Variants in ZBTB46 observed in about 807,000 individuals in gnomAD.
ZBTB46 encodes zinc finger and BTB domain-containing protein 46.
Under a neutral mutation model 44.1 loss-of-function variants are expected in ZBTB46, and 8 were observed. The observed-to-expected ratio is 0.18, with a 90% confidence interval of 0.11 to 0.33. The LOEUF is 0.33. Ranked by LOEUF, ZBTB46 falls within the 10% of genes least tolerant of loss-of-function variation. ZBTB46 has a pLI of 1.00. For missense variants in ZBTB46, 651 were observed against 847.7 expected, an observed-to-expected ratio of 0.77 and a Z score of 2.88; for synonymous variants, 409 against 382.3, an observed-to-expected ratio of 1.07 and a Z score of -0.81.
At chr20:63,801,988 T>C (rs1026490403) in intron 1 of ZBTB46, among the ~76,000 whole-genome samples, 3 of 152,210 alleles carry the variant, frequency 2.0e-5, no homozygotes, top group Non-Finnish European at 4.4e-5. Context: ...ATCCTGTGCT[T>C]ATCCAAGGAC....
intron 1 of ZBTB46, among the ~76,000 whole-genome samples, chr20:63,804,690 G>A (rs1163392676): frequency 6.6e-6 from 1 of 151,960 alleles, no homozygotes; most frequent in Non-Finnish European, 1.5e-5. Context: ...TCAAGAGATC[G>A]AGACCAGCCT....
chr20:63,825,779 G>C (rs2092816378), intron 1 of ZBTB46, among the ~76,000 whole-genome samples: 1 of 152,182 alleles, frequency 6.6e-6, no homozygotes, highest in African/African-American at 2.4e-5. Flanking sequence ...AAGTCAGTTG[G>C]GAAAGCGGCG....
Position 63,779,403 on chromosome 20 carries a change from CTAA to C in ZBTB46, c.938-3444_938-3442del, listed in dbSNP as rs1442652545. On this transcript the variant is annotated intron_variant, in intron 2 of 4. Coordinates refer to ENST00000245663, the MANE Select transcript of ZBTB46 (RefSeq NM_001369741.1). ...TTACAGGTGCGTGCCACCACGCCGGCTAATTTTTTTTTTTTTTTTTTTTTTTTT... is the reference window on the plus strand; with the variant it reads ...TTACAGGTGCGTGCCACCACGCCGGCTTTTTTTTTTTTTTTTTTTTTTTTT... 4.9e-4 allele frequency among the ~76,000 whole-genome samples: 60 copies of C among 122,838 alleles called. 1 individual carries two copies. Among genetic ancestry groups the C allele is most frequent in the African/African-American group, 1.9e-3 (58 of 30,874 alleles). 80.6% of individuals were successfully genotyped at this position (122,838 alleles called of 152,430 possible). A position where few individuals can be genotyped will look rare whatever the true frequency, so the allele number is the denominator to read the frequency against.
chr20:63,805,900 G>C (rs2092678314), intron 1 of ZBTB46, among the ~76,000 whole-genome samples: 1 of 151,896 alleles, frequency 6.6e-6, no homozygotes, highest in African/African-American at 2.4e-5. Context: ...GGCCTCCCCA[G>C]TAGCTGGGAT....
intron 2 of ZBTB46, among the ~76,000 whole-genome samples, chr20:63,788,938 C>A (rs977967854): frequency 6.7e-6 from 1 of 150,044 alleles, no homozygotes; most frequent in Non-Finnish European, 1.5e-5. Flanking sequence ...CAGGTTCAAG[C>A]GATTCTCCTG....
At chr20:63,763,648 G>A (rs1020222419) in intron 3 of ZBTB46, among the ~76,000 whole-genome samples, 4 of 152,170 alleles carry the variant, frequency 2.6e-5, no homozygotes, top group South Asian at 2.1e-4. Flanking sequence ...CAGGCACCAC[G>A]TCCAGTATTG....
At position 63,743,943 on chromosome 20, in the gene ZBTB46, TC is replaced by T. The variant is rs759888616; in HGVS notation, c.*2986del. ...TAGGAAGTCAATATAATATAGATTA[TC>T]CCCAGAAAAAAATCAACAATCTTCA... On this transcript the variant is annotated 3_prime_UTR_variant, in exon 5 of 5. Coordinates refer to ENST00000245663, the MANE Select transcript of ZBTB46 (RefSeq NM_001369741.1). The T allele has an allele frequency of 2.0e-5, 3 of 152,560 alleles. No individual in the cohort carries two copies. The highest frequency in any genetic ancestry group is 2.4e-5 in the African/African-American group (1 of 41,416). The allele number at this position is 152,560 out of a possible 1,614,324, so 9.5% of individuals were successfully genotyped here.
At chr20:63,821,487 T>G (rs6010671) in intron 1 of ZBTB46, among the ~76,000 whole-genome samples, 26,580 of 150,052 alleles carry the variant, frequency 0.18, 2,854 homozygotes, top group East Asian at 0.45. Flanking sequence ...TTGCCCAGGC[T>G]GGAGTGCAAT....
intron 1 of ZBTB46, among the ~76,000 whole-genome samples, chr20:63,812,890 T>C (rs1030932751): frequency 1.3e-5 from 2 of 151,990 alleles, no homozygotes; most frequent in African/African-American, 4.8e-5. Flanking sequence ...GGTCAAGACA[T>C]TGACAGCATC....
At chr20:63,816,880 A>C (rs1293323393) in intron 1 of ZBTB46, among the ~76,000 whole-genome samples, 1 of 151,962 alleles carries the variant, frequency 6.6e-6, no homozygotes, top group Admixed American at 6.6e-5. Context: ...TGAGGCGGGC[A>C]GATCATCTGA....
Position 63,767,634 on chromosome 20 carries a change from A to G in ZBTB46, c.1222+8044T>C, listed in dbSNP as rs1034162511. Among the ~76,000 whole-genome samples the G allele has an allele frequency of 6.6e-6, 1 of 152,228 alleles. No individual in the cohort carries two copies. Among genetic ancestry groups the G allele is most frequent in the African/African-American group, 2.4e-5 (1 of 41,460 alleles). ...TGAGGTCAAAGCAAACGCCGGCTCC[A>G]GCGCACAGACCAGAGGCACCCGCAG... On this transcript the variant is annotated intron_variant, in intron 3 of 4. Coordinates refer to ENST00000245663, the MANE Select transcript of ZBTB46 (RefSeq NM_001369741.1). The surrounding 1 kb of genome is among the most constrained non-coding windows in gnomAD (Gnocchi z 5.0).
At chr20:63,802,215 G>C (rs1032173790) in intron 1 of ZBTB46, among the ~76,000 whole-genome samples, 1 of 152,134 alleles carries the variant, frequency 6.6e-6, no homozygotes, top group Non-Finnish European at 1.5e-5. Context: ...TTGAGGCCAG[G>C]AGTTTGAGAC....
intron 2 of ZBTB46, among the ~76,000 whole-genome samples, chr20:63,781,261 A>G (rs549479373): frequency 2.6e-5 from 4 of 152,276 alleles, no homozygotes; most frequent in South Asian, 4.1e-4. Context: ...CTCACCACTC[A>G]GTAATAAAAG....
At chr20:63,809,001 AAAAAG>A (rs1169834760) in intron 1 of ZBTB46, among the ~76,000 whole-genome samples, 72 of 141,972 alleles carry the variant, frequency 5.1e-4, no homozygotes, top group African/African-American at 1.8e-3. Flanking sequence ...AAAAAAAAAG[AAAAAG>A]AAAAAAAAAA....
chr20:63,768,070 C>T (rs1457955468), intron 3 of ZBTB46: 2 of 985,362 alleles, frequency 2.0e-6, no homozygotes, highest in Admixed American at 6.1e-5. Context: ...TGCCCTCACT[C>T]ACCTGGGATG....
rs1365566274 is a variant in ZBTB46 at position 63,831,178 on chromosome 20, GC to G, written c.-116del. 8 of 143,068 alleles carry G rather than the reference GC, an allele frequency of 5.6e-5. No homozygotes were observed. In the East Asian group the frequency reaches 1.7e-3, roughly 30 times the overall value. 8.9% of individuals were successfully genotyped at this position (143,068 alleles called of 1,614,324 possible). A position where few individuals can be genotyped will look rare whatever the true frequency, so the allele number is the denominator to read the frequency against. ...GGTGATCGCCGCCGCCGCCGGGAGG[GC>G]GCTGCGTCCGGGCGGGTCCGAGCTG... On this transcript the variant is annotated 5_prime_UTR_variant, in exon 1 of 5. Coordinates refer to ENST00000245663, the MANE Select transcript of ZBTB46 (RefSeq NM_001369741.1).
At position 63,809,274 on chromosome 20, in the gene ZBTB46, C is replaced by A. The variant is rs555340226; in HGVS notation, c.-33-18484G>T. 3.3e-5 allele frequency among the ~76,000 whole-genome samples: 5 copies of A among 152,290 alleles called. No homozygotes were observed. In the South Asian group the frequency reaches 1.0e-3, roughly 32 times the overall value. ...GGGCCCCGCCGTGGGCCACGCCCAGCGCGTCCAGTCCTCATGGCCGCGTCT... is the reference window on the plus strand; with the variant it reads ...GGGCCCCGCCGTGGGCCACGCCCAGAGCGTCCAGTCCTCATGGCCGCGTCT... On this transcript the variant is annotated intron_variant, in intron 1 of 4. Coordinates refer to ENST00000245663, the MANE Select transcript of ZBTB46 (RefSeq NM_001369741.1).
At chr20:63,816,973 G>A (rs574564370) in intron 1 of ZBTB46, among the ~76,000 whole-genome samples, 31 of 152,160 alleles carry the variant, frequency 2.0e-4, no homozygotes, top group Admixed American at 9.2e-4. Context: ...GCATGGTGGC[G>A]CATGCCTGTA....
chr20:63,778,689 C>T (rs1170436246), intron 2 of ZBTB46, among the ~76,000 whole-genome samples: 1 of 152,160 alleles, frequency 6.6e-6, no homozygotes, highest in African/African-American at 2.4e-5. Context: ...TTCTGGAGGC[C>T]TCTAAGGGAT....
Sources: allele counts gnomAD v4.1 joint callset (sites outside exome capture counted in the v4.1 genomes callset), GRCh38; gene constraint gnomAD v4.1.1; non-coding constraint Gnocchi (gnomAD v3.1); transcripts MANE v1.5; gene names NCBI Gene and HGNC (gene_info 2026-07-23, HGNC 2026-07-21).